Variants in ZNF395 observed in about 807,000 individuals in gnomAD.
ZNF395 encodes the protein zinc finger protein 395, also known as HD gene regulatory region-binding protein 2.
A neutral mutation model predicts 57.7 loss-of-function variants in ZNF395; 20 were observed. The observed-to-expected ratio is 0.35, with a 90% CI of 0.24 to 0.50. The LOEUF (loss-of-function observed/expected upper bound fraction) is 0.50, where lower values mean the gene tolerates loss of function less well. ZNF395 is among the 20% of genes least tolerant of loss of function. The pLI is 0.97. For synonymous variants in ZNF395, 295 were observed against 275.9 expected (o/e 1.07, Z -0.69); for missense variants, 606 against 671.2 (o/e 0.90, Z 1.07).
intron 1 of ZNF395, among the ~76,000 whole-genome samples, chr8:28,383,402 C>A (rs1451242752): frequency 6.6e-6 from 1 of 152,090 alleles, no homozygotes; most frequent in Non-Finnish European, 1.5e-5. Context: ...ATCCCTAGGG[C>A]TAATGTCTTC....
chr8:28,376,203 G>T (rs1362684431), intron 1 of ZNF395, among the ~76,000 whole-genome samples: 2 of 152,082 alleles, frequency 1.3e-5, no homozygotes, highest in Non-Finnish European at 2.9e-5. Context: ...TCGAACTGCT[G>T]GGCTCAATCA....
chr8:28,359,889 C>T lies in ZNF395; in HGVS notation c.241-65G>A. On this transcript the variant is annotated intron_variant, in intron 2 of 9. Coordinates refer to ENST00000344423, the MANE Select transcript of ZNF395 (RefSeq NM_018660.3). This position sits in a 1 kb window ranked among gnomAD's most constrained non-coding sequence, Gnocchi z 4.7. ...TGGGTCTCGCCCTGAAGTTCTCATG[C>T]ACCCCACGTCCCAGGAGCCAGGATC... The T allele has an allele frequency of 4.5e-6, 7 of 1,549,518 alleles. No individual in the cohort carries two copies. The highest frequency in any genetic ancestry group is 1.2e-5 in the South Asian group (1 of 83,004).
In ZNF395 at chr8:28,359,292, C is replaced by T. The variant is rs890626056; in HGVS notation, c.473+300G>A. On this transcript the variant is annotated intron_variant, in intron 3 of 9. Coordinates refer to ENST00000344423, the MANE Select transcript of ZNF395 (RefSeq NM_018660.3). The surrounding 1 kb of genome is among the most constrained non-coding windows in gnomAD (Gnocchi z 4.7). ...TGGTGCACGCCTGTAATCCCAGTTA[C>T]TCGGGAGGCTGAAGTGGAAGAATCG... 6.6e-5 allele frequency among the ~76,000 whole-genome samples: 10 copies of T among 152,156 alleles called. No homozygotes were observed. The highest frequency in any genetic ancestry group is 2.4e-4 in the African/African-American group (10 of 41,432).
chr8:28,353,430 G>A (rs973789881), intron 4 of ZNF395, 22 bp from the exon 5 acceptor site: 6 of 1,484,646 alleles, frequency 4.0e-6, no homozygotes, highest in African/African-American at 1.4e-5. Flanking sequence ...AAGAAAAGAT[G>A]AGAGGACGCT....
chr8:28,376,714 T>C lies in ZNF395; in HGVS notation c.-59+9679A>G, dbSNP rs554274858. Reference sequence around the variant, plus strand: ...AATCACAGCAATTCAACAAGCACAGTTGATGTGACAGACACCATGTGAGGC... The same window carrying C: ...AATCACAGCAATTCAACAAGCACAGCTGATGTGACAGACACCATGTGAGGC... On this transcript the variant is annotated intron_variant, in intron 1 of 9. Coordinates refer to ENST00000344423, the MANE Select transcript of ZNF395 (RefSeq NM_018660.3). 9.9e-5 allele frequency among the ~76,000 whole-genome samples: 15 copies of C among 152,210 alleles called. No individual in the cohort carries two copies. In the East Asian group the frequency reaches 2.9e-3, roughly 29 times the overall value.
At position 28,347,648 on chromosome 8, in the gene ZNF395, T is replaced by G. The variant is rs1801621634; in HGVS notation, c.*1071A>C. 1 of 152,262 alleles carries G rather than the reference T, an allele frequency of 6.6e-6. No homozygotes were observed. The highest frequency in any genetic ancestry group is 2.4e-5 in the African/African-American group (1 of 41,450). 9.4% of individuals were successfully genotyped at this position (152,262 alleles called of 1,614,324 possible). On this transcript the variant is annotated 3_prime_UTR_variant, in exon 10 of 10. Coordinates refer to ENST00000344423, the MANE Select transcript of ZNF395 (RefSeq NM_018660.3). ...CTGACGCTCACGGGTGCAAGGACTC[T>G]CCTTGGCCTTCCTCATCCTGCTTTC...
chr8:28,376,719 G>C (rs907955872), intron 1 of ZNF395, among the ~76,000 whole-genome samples: 1 of 152,196 alleles, frequency 6.6e-6, no homozygotes, highest in Admixed American at 6.5e-5. Flanking sequence ...CACAGTTGAT[G>C]TGACAGACAC....
intron 3 of ZNF395, among the ~76,000 whole-genome samples, chr8:28,357,275 A>C (rs978002518): frequency 6.6e-6 from 1 of 151,824 alleles, no homozygotes; most frequent in Non-Finnish European, 1.5e-5. Flanking sequence ...ACCTTCTCCC[A>C]CCCCTCCCCC....
chr8:28,378,939 T>G (rs550349763), intron 1 of ZNF395, among the ~76,000 whole-genome samples: 1 of 152,336 alleles, frequency 6.6e-6, no homozygotes, highest in South Asian at 2.1e-4. Flanking sequence ...TCCCAGTCTT[T>G]CGGGTCAAAG....
At chr8:28,376,238 G>T (rs1802038746) in intron 1 of ZNF395, among the ~76,000 whole-genome samples, 1 of 152,082 alleles carries the variant, frequency 6.6e-6, no homozygotes, top group Non-Finnish European at 1.5e-5. Context: ...GCCTCTCAAA[G>T]CAGCTGGGAC....
rs1387730817 is a variant in ZNF395, at chr8:28,361,182, C to A, written c.-58G>T. ...GGGACACTGAAGCCTCTGCCCATCA[C>A]CTGGGGGAATCAGGAAGCTTTCAGG... On this transcript the variant is annotated splice_region_variant and 5_prime_UTR_variant, in exon 2 of 10. Transcript: ENST00000344423. 1 of 1,603,970 alleles carries A rather than the reference C, an allele frequency of 6.2e-7. No individual in the cohort carries two copies. The highest frequency in any genetic ancestry group is 8.5e-7 in the Non-Finnish European group (1 of 1,179,762).
chr8:28,370,196 T>C (rs1338679997), intron 1 of ZNF395, among the ~76,000 whole-genome samples: 1 of 150,730 alleles, frequency 6.6e-6, no homozygotes, highest in Admixed American at 6.6e-5. Context: ...TAAAATATGT[T>C]ATGAATCTAA....
chr8:28,349,162 T>G lies in ZNF395; in HGVS notation c.1393A>C (p.Ile465Leu), dbSNP rs1297578342. 2 of 1,565,900 alleles carry G rather than the reference T, an allele frequency of 1.3e-6. No homozygotes were observed. The highest frequency in any genetic ancestry group is 1.7e-6 in the Non-Finnish European group (2 of 1,157,574). The change falls in exon 9 of 10, where the codon ATC (isoleucine) becomes CTC (leucine). Residue 465 changes from isoleucine to leucine, a missense_variant. Physicochemically the swap from Ile to Leu is conservative, Grantham distance 5. Transcript: ENST00000344423. The stretch of plus-strand genomic sequence containing the variant: ...TGGGCCCGGGGTGGAGAAGTGACGA[T>G]CAGATGAGATTTCATCGCAGGTGCT... ...QPAPAMKSHLIVTSPPRAQSG... is the reference protein window; with the variant it reads ...QPAPAMKSHLLVTSPPRAQSG...
chr8:28,379,842 T>TAAAAAAAA (rs748360582), intron 1 of ZNF395, among the ~76,000 whole-genome samples: 5 of 123,958 alleles, frequency 4.0e-5, no homozygotes, highest in Admixed American at 3.1e-4. Flanking sequence ...ATACAAACGT[T>TAAAAAAAA]AAAAAAAAAA....
chr8:28,383,397 T>G (rs1242222386), intron 1 of ZNF395, among the ~76,000 whole-genome samples: 1 of 152,080 alleles, frequency 6.6e-6, no homozygotes, highest in Non-Finnish European at 1.5e-5. Context: ...ACAATATCCC[T>G]AGGGCTAATG....
Position 28,351,482 on chromosome 8 carries a change from C to A in ZNF395, c.1233+13G>T, listed in dbSNP as rs370258382. ...GCTATGAGCCTGAGCCTCCAGCGAG[C>A]CCCGCCCCATACCTGGTATGCATGA... is the stretch of plus-strand genomic sequence containing the variant. On this transcript the variant is annotated intron_variant, in intron 7 of 9. Coordinates refer to ENST00000344423, the MANE Select transcript of ZNF395 (RefSeq NM_018660.3). 6 of 1,579,594 alleles carry A rather than the reference C, an allele frequency of 3.8e-6. No homozygotes were observed. Among genetic ancestry groups the A allele is most frequent in the Non-Finnish European group, 4.3e-6 (5 of 1,157,650 alleles).
intron 1 of ZNF395, among the ~76,000 whole-genome samples, chr8:28,375,741 G>C (rs1802032988): frequency 6.6e-6 from 1 of 152,156 alleles, no homozygotes; most frequent in South Asian, 2.1e-4. Context: ...GTACCATGGC[G>C]ACAGTCACCA....
Position 28,359,143 on chromosome 8 carries a change from T to A in ZNF395, c.473+449A>T, listed in dbSNP as rs1801816510. Reference sequence around the variant, plus strand: ...CAGGCATGGTGGCTCAAACCTGTAATCCCAGCACGTTGGGAGGCCAAGGCA... The same window carrying A: ...CAGGCATGGTGGCTCAAACCTGTAAACCCAGCACGTTGGGAGGCCAAGGCA... On this transcript the variant is annotated intron_variant, in intron 3 of 9. Transcript: ENST00000344423. The surrounding 1 kb of genome is among the most constrained non-coding windows in gnomAD (Gnocchi z 4.7). Among the ~76,000 whole-genome samples, 1 of 152,122 alleles carries A rather than the reference T, an allele frequency of 6.6e-6. No homozygotes were observed. The highest frequency in any genetic ancestry group is 2.4e-5 in the African/African-American group (1 of 41,408).
In ZNF395 at chr8:28,383,150, T is replaced by C. The variant is rs564980692; in HGVS notation, c.-59+3243A>G. On this transcript the variant is annotated intron_variant, in intron 1 of 9. Coordinates refer to ENST00000344423, the MANE Select transcript of ZNF395 (RefSeq NM_018660.3). ...CCCAAGTCCTCTTCTACTAGTTCAC[T>C]GATCTTGCATTTCAGAGAAACAAGG... is the stretch of plus-strand genomic sequence containing the variant. 2.0e-5 allele frequency among the ~76,000 whole-genome samples: 3 copies of C among 152,398 alleles called. No individual in the cohort carries two copies. The South Asian group carries it at 6.2e-4, about 32-fold the overall frequency.
Sources: allele counts gnomAD v4.1 joint callset (sites outside exome capture counted in the v4.1 genomes callset), GRCh38; gene constraint gnomAD v4.1.1; non-coding constraint Gnocchi (gnomAD v3.1); transcripts MANE v1.5; gene names NCBI Gene and HGNC (gene_info 2026-07-23, HGNC 2026-07-21).